The following SLCO2A1 variants were observed in gnomAD, a reference collection of about 807,000 sequenced individuals.
SLCO2A1 encodes matrin F/G 1.
Under a neutral mutation model 71.7 loss-of-function variants are expected in SLCO2A1, and 60 were observed. The ratio of observed to expected loss-of-function variants is 0.84; its 90% confidence interval spans 0.68 to 1.04. The LOEUF is 1.04. Among genes scored for constraint, SLCO2A1 ranks in the 50% least tolerant of loss-of-function variants. The pLI, the probability that SLCO2A1 is intolerant of heterozygous loss-of-function variation, is 0.00. For synonymous variants in SLCO2A1, 308 were observed against 326.7 expected, an observed-to-expected ratio of 0.94 and a Z score of 0.62; for missense variants, 745 against 813.4, an observed-to-expected ratio of 0.92 and a Z score of 1.02.
intron 3 of SLCO2A1, among the ~76,000 whole-genome samples, chr3:133,966,010 A>G (rs1223712054): frequency 1.3e-5 from 2 of 152,194 alleles, no homozygotes; most frequent in Admixed American, 1.3e-4. Flanking sequence ...ATGACTGTCC[A>G]CATTCAGGCA....
chr3:134,000,843 T>A (rs749340596), intron 1 of SLCO2A1, among the ~76,000 whole-genome samples: 42 of 152,328 alleles, frequency 2.8e-4, no homozygotes, highest in Non-Finnish European at 5.0e-4. Flanking sequence ...GTCTGCTACC[T>A]TTTGCTTCTG....
chr3:134,017,717 C>T (rs538487141), intron 1 of SLCO2A1, among the ~76,000 whole-genome samples: 2 of 152,260 alleles, frequency 1.3e-5, no homozygotes, highest in South Asian at 4.1e-4. Context: ...AGTGCTGGGG[C>T]TGGTTAAAGA....
intron 3 of SLCO2A1, among the ~76,000 whole-genome samples, chr3:133,967,875 A>C (rs1403694702): frequency 1.5e-4 from 5 of 32,432 alleles, no homozygotes; most frequent in Non-Finnish European, 2.3e-4. Flanking sequence ...ACCCCACCCC[A>C]CCTCCACACC....
At chr3:134,014,447 TCCACC>T in intron 1 of SLCO2A1, among the ~76,000 whole-genome samples, 1 of 152,262 alleles carries the variant, frequency 6.6e-6, no homozygotes, top group East Asian at 1.9e-4. Flanking sequence ...GGGTTTCATC[TCCACC>T]CCTGGGCAAA....
intron 1 of SLCO2A1, among the ~76,000 whole-genome samples, chr3:134,008,162 A>T (rs1375236443): frequency 1.3e-5 from 2 of 152,216 alleles, no homozygotes; most frequent in African/African-American, 4.8e-5. Flanking sequence ...AATTCAGTCC[A>T]TGACCCCAGA....
chr3:133,945,238 G>A lies in SLCO2A1; in HGVS notation c.1318C>T (p.Gln440Ter), dbSNP rs143960154. 6.2e-7 allele frequency: 1 copy of A among 1,611,276 alleles called. No homozygotes were observed. Among genetic ancestry groups the A allele is most frequent in the African/African-American group, 1.3e-5 (1 of 74,734 alleles). The change falls in exon 10 of 14, where the codon CAG becomes TAG. Residue 440 changes from glutamine to a stop codon, truncating the protein, a stop_gained. Coordinates refer to ENST00000310926, the MANE Select transcript of SLCO2A1 (RefSeq NM_005630.3). LOFTEE classifies it high-confidence loss of function. ...PPSTSSSIHP[Q>*]SPACRRDCSC... ...CAGTCCCTGCGGCAGGCAGGAGACT[G>A]CGGATGTATAGAACTTGATGTGCTG...
chr3:133,953,863 G>T, intron 4 of SLCO2A1, 102 bp from the exon 5 acceptor site: 1 of 862,112 alleles, frequency 1.2e-6, no homozygotes, highest in Non-Finnish European at 1.9e-6. Context: ...CACTTCATCT[G>T]TTCCCAAGCC....
chr3:133,961,016 A>G (rs1934023260), intron 3 of SLCO2A1, among the ~76,000 whole-genome samples: 1 of 152,034 alleles, frequency 6.6e-6, no homozygotes, highest in South Asian at 2.1e-4. Flanking sequence ...CAAGTCCTCC[A>G]GGGTGAGGCC....
At chr3:133,987,140 CCCG>C (rs1934733738) in intron 1 of SLCO2A1, among the ~76,000 whole-genome samples, 1 of 127,656 alleles carries the variant, frequency 7.8e-6, no homozygotes, top group African/African-American at 2.9e-5. Flanking sequence ...AGCCCCCCCC[CCCG>C]CCCCCGCCCC....
chr3:133,975,379 AC>A (rs1219240581), intron 2 of SLCO2A1, among the ~76,000 whole-genome samples: 1 of 152,100 alleles, frequency 6.6e-6, no homozygotes, highest in Non-Finnish European at 1.5e-5. Context: ...CCTTGGCAGG[AC>A]CTTCCATAGC....
chr3:133,949,798 C>T (rs1046924746), intron 6 of SLCO2A1, among the ~76,000 whole-genome samples: 2 of 152,158 alleles, frequency 1.3e-5, no homozygotes, highest in Non-Finnish European at 2.9e-5. Flanking sequence ...CTTGGCGAAG[C>T]TCACTCAGCT....
At chr3:133,954,769 A>G (rs1933839276) in intron 4 of SLCO2A1, among the ~76,000 whole-genome samples, 197 bp downstream of exon 4, 2 of 152,120 alleles carry the variant, frequency 1.3e-5, no homozygotes, top group South Asian at 4.1e-4. Context: ...GGGTTCAGCC[A>G]TTTGCCTCAG....
chr3:134,000,357 G>A (rs1463451763), intron 1 of SLCO2A1, among the ~76,000 whole-genome samples: 1 of 152,180 alleles, frequency 6.6e-6, no homozygotes, highest in Non-Finnish European at 1.5e-5. Context: ...GAGGAGAGGG[G>A]TCAGGGAGGT....
chr3:133,984,549 GC>G (rs924187288), intron 1 of SLCO2A1, among the ~76,000 whole-genome samples: 1 of 152,158 alleles, frequency 6.6e-6, no homozygotes, highest in Non-Finnish European at 1.5e-5. Context: ...CAGCCATCTG[GC>G]CCCACATACT....
chr3:133,966,318 CCCTGGT>C (rs1934165410), intron 3 of SLCO2A1, among the ~76,000 whole-genome samples: 1 of 152,116 alleles, frequency 6.6e-6, no homozygotes, highest in South Asian at 2.1e-4. Context: ...GTCTGTTGAC[CCCTGGT>C]CTAGTCCCAT....
chr3:133,974,666 A>G (rs1168536155), intron 2 of SLCO2A1, among the ~76,000 whole-genome samples: 1 of 152,224 alleles, frequency 6.6e-6, no homozygotes, highest in Non-Finnish European at 1.5e-5. Context: ...AGCCCCACCC[A>G]GAACCAGGGA....
At chr3:133,966,735 C>T (rs772818393) in intron 3 of SLCO2A1, among the ~76,000 whole-genome samples, 4 of 152,228 alleles carry the variant, frequency 2.6e-5, no homozygotes, top group Non-Finnish European at 5.9e-5. Flanking sequence ...GGGTAGCACG[C>T]TGCCCAGTTG....
intron 1 of SLCO2A1, among the ~76,000 whole-genome samples, chr3:133,991,644 C>G (rs1180347137): frequency 6.6e-6 from 1 of 152,148 alleles, no homozygotes; most frequent in Non-Finnish European, 1.5e-5. Context: ...TAGGAAGAAA[C>G]ACATAGATTT....
intron 1 of SLCO2A1, among the ~76,000 whole-genome samples, chr3:133,990,116 G>C (rs1288592545): frequency 6.6e-6 from 1 of 152,186 alleles, no homozygotes; most frequent in Admixed American, 6.5e-5. Flanking sequence ...TTGCCTCTCC[G>C]GGCTGTGCCA....
Sources: gnomAD v4.1 joint callset for allele counts (sites outside exome capture counted in the v4.1 genomes callset) on GRCh38, gnomAD v4.1.1 for gene constraint, MANE v1.5 for transcripts, NCBI Gene and HGNC (gene_info 2026-07-23, HGNC 2026-07-21) for gene names.